The following IGF1 variants were observed in gnomAD, a reference collection of about 807,000 sequenced individuals.
IGF1 encodes the protein insulin-like growth factor 1.
Under a neutral mutation model 13.8 loss-of-function variants are expected in IGF1, and 4 were observed. The observed-to-expected ratio is 0.29, with a 90% CI of 0.14 to 0.66. The LOEUF (loss-of-function observed/expected upper bound fraction) is 0.66, where lower values mean the gene tolerates loss of function less well. Ranked by LOEUF, IGF1 falls within the 30% of genes least tolerant of loss-of-function variation. IGF1 has a pLI of 0.78. For missense variants in IGF1, 124 were observed against 188.5 expected (o/e 0.66, Z 2.00); for synonymous variants, 76 against 72.6 (o/e 1.05, Z -0.23).
intron 2 of IGF1, among the ~76,000 whole-genome samples, chr12:102,446,996 C>T (rs951807495): frequency 6.6e-6 from 1 of 152,094 alleles, no homozygotes; most frequent in Admixed American, 6.6e-5. Context: ...AGTATTCATT[C>T]AGGAGCAGGT....
At chr12:102,473,891 A>T (rs1880843882) in intron 2 of IGF1, among the ~76,000 whole-genome samples, 1 of 152,182 alleles carries the variant, frequency 6.6e-6, no homozygotes, top group South Asian at 2.1e-4. Context: ...CATCATAGGC[A>T]TAGAAAGATC....
intron 2 of IGF1, among the ~76,000 whole-genome samples, chr12:102,461,127 G>GC (rs959072713): frequency 2.0e-5 from 3 of 152,050 alleles, no homozygotes; most frequent in Admixed American, 6.5e-5. Context: ...CAATCCAAAG[G>GC]CCCCCCTTTC....
At chr12:102,448,534 T>C (rs1336699696) in intron 2 of IGF1, among the ~76,000 whole-genome samples, 2 of 96,856 alleles carry the variant, frequency 2.1e-5, no homozygotes, top group Non-Finnish European at 3.9e-5. Context: ...CTCTGGGGAC[T>C]GTGGTGGGGT....
intron 1 of IGF1, 148 bp from the exon 2 acceptor site, chr12:102,475,947 C>T (rs1592838047): frequency 1.2e-6 from 1 of 830,958 alleles, no homozygotes; most frequent in East Asian, 2.7e-5. Flanking sequence ...TACATGAGAA[C>T]CCAGAGGGAG....
At chr12:102,458,347 G>A (rs949607268) in intron 2 of IGF1, among the ~76,000 whole-genome samples, 1 of 152,104 alleles carries the variant, frequency 6.6e-6, no homozygotes. Flanking sequence ...ATTTGCTGAT[G>A]CTCCTCATGA....
chr12:102,480,765 G>T (rs2137305317), upstream of IGF1: 1 of 378,972 alleles, frequency 2.6e-6, no homozygotes. Context: ...TCCCTTAAAA[G>T]AATGTGTGTT....
At position 102,401,452 on chromosome 12, in the gene IGF1, A is replaced by G. The variant is rs968952067; in HGVS notation, c.*1055T>C. The G allele has an allele frequency of 6.6e-6, 1 of 152,624 alleles. No homozygotes were observed. Among genetic ancestry groups the G allele is most frequent in the Non-Finnish European group, 1.5e-5 (1 of 68,052 alleles). 9.5% of individuals were successfully genotyped at this position (152,624 alleles called of 1,614,324 possible). Reference sequence around the variant, plus strand: ...TCTGAAGTTCCTCTTGGAAGGCATAACTGGGGGGACTTTGCCTTCTTTCCC... The same window carrying G: ...TCTGAAGTTCCTCTTGGAAGGCATAGCTGGGGGGACTTTGCCTTCTTTCCC... On this transcript the variant is annotated 3_prime_UTR_variant, in exon 4 of 4. Transcript: ENST00000337514.
intron 3 of IGF1, among the ~76,000 whole-genome samples, chr12:102,403,970 T>A (rs977666812): frequency 4.6e-5 from 7 of 152,218 alleles, no homozygotes; most frequent in Non-Finnish European, 2.9e-5. Flanking sequence ...TATATTATAA[T>A]ACTTTTCCTA....
chr12:102,418,821 A>G (rs763506573), intron 3 of IGF1, among the ~76,000 whole-genome samples: 2 of 152,248 alleles, frequency 1.3e-5, no homozygotes, highest in Non-Finnish European at 2.9e-5. Context: ...TTTACAGTCT[A>G]GCTCTTAGAA....
At chr12:102,476,286 A>C (rs1356032756) in intron 1 of IGF1, among the ~76,000 whole-genome samples, 1 of 152,216 alleles carries the variant, frequency 6.6e-6, no homozygotes, top group Non-Finnish European at 1.5e-5. Flanking sequence ...TATTGAGCAG[A>C]ATATTTTTAA....
intron 2 of IGF1, among the ~76,000 whole-genome samples, chr12:102,420,636 A>G (rs1443596558): frequency 6.6e-6 from 1 of 152,110 alleles, no homozygotes; most frequent in Non-Finnish European, 1.5e-5. Context: ...TTACCACCCC[A>G]AGAGGCCAGA....
chr12:102,436,021 A>G (rs1357925067), intron 2 of IGF1, among the ~76,000 whole-genome samples: 2 of 152,222 alleles, frequency 1.3e-5, no homozygotes, highest in Admixed American at 1.3e-4. Flanking sequence ...GACCTCTTAT[A>G]CTTTCTTACA....
At chr12:102,427,502 C>T (rs567353982) in intron 2 of IGF1, among the ~76,000 whole-genome samples, 3 of 152,292 alleles carry the variant, frequency 2.0e-5, no homozygotes, top group African/African-American at 7.2e-5. Context: ...TGTAACTTGG[C>T]ACCTGCCCTC....
chr12:102,410,872 C>T (rs1309560455), intron 3 of IGF1, among the ~76,000 whole-genome samples: 3 of 152,156 alleles, frequency 2.0e-5, no homozygotes, highest in Non-Finnish European at 2.9e-5. Context: ...CAAAATAACA[C>T]TATGAGAAGT....
At chr12:102,452,963 A>G (rs531957194) in intron 2 of IGF1, among the ~76,000 whole-genome samples, 69 of 152,322 alleles carry the variant, frequency 4.5e-4, no homozygotes, top group African/African-American at 1.6e-3. Flanking sequence ...TGTGACTTCA[A>G]TATGAGAAAA....
At position 102,402,495 on chromosome 12, in the gene IGF1, A is replaced by G. The variant is rs1873767834; in HGVS notation, c.*12T>C. 1.3e-6 allele frequency: 1 copy of G among 780,854 alleles called. No homozygotes were observed. The highest frequency in any genetic ancestry group is 1.3e-5 in the South Asian group (1 of 74,614). 48.4% of individuals were successfully genotyped at this position (780,854 alleles called of 1,614,324 possible). The stretch of plus-strand genomic sequence containing the variant: ...GGTGGCATGTCACTCTTCACTCCTC[A>G]GGAGGGTCTTCCTACATCCTGTAGT... On this transcript the variant is annotated 3_prime_UTR_variant, in exon 4 of 4. Coordinates refer to ENST00000337514, the MANE Select transcript of IGF1 (RefSeq NM_000618.5).
chr12:102,448,613 G>A (rs11837097), intron 2 of IGF1, among the ~76,000 whole-genome samples: 1,722 of 146,434 alleles, frequency 0.012, 50 homozygotes, highest in African/African-American at 0.039. Flanking sequence ...TGGGTGCAGC[G>A]TACCAGCATG....
At chr12:102,437,617 G>C (rs975850102) in intron 2 of IGF1, among the ~76,000 whole-genome samples, 1 of 152,162 alleles carries the variant, frequency 6.6e-6, no homozygotes, top group Admixed American at 6.5e-5. Flanking sequence ...TAGAGGCTGC[G>C]GAGCATTAGT....
chr12:102,453,741 C>G (rs576349067), intron 2 of IGF1, among the ~76,000 whole-genome samples: 1 of 152,276 alleles, frequency 6.6e-6, no homozygotes, highest in East Asian at 1.9e-4. Context: ...TAAATGTATG[C>G]TCTATAGAGC....
Sources: allele counts gnomAD v4.1 joint callset (sites outside exome capture counted in the v4.1 genomes callset), GRCh38; gene constraint gnomAD v4.1.1; transcripts MANE v1.5; gene names NCBI Gene and HGNC (gene_info 2026-07-23, HGNC 2026-07-21).